The following FBXO31 variants were observed in gnomAD, a reference collection of about 807,000 sequenced individuals.
FBXO31 encodes F-box protein 31.
In FBXO31, 24 loss-of-function variants were observed where a neutral mutation model predicts 54.4. The observed-to-expected ratio is 0.44, with a 90% CI of 0.32 to 0.62. FBXO31 has a LOEUF of 0.62. FBXO31 is among the 20% of genes least tolerant of loss of function. FBXO31 has a pLI of 0.05. For synonymous variants in FBXO31, 388 were observed against 335.6 expected, an observed-to-expected ratio of 1.16 and a Z score of -1.71; for missense variants, 665 against 787.1, an observed-to-expected ratio of 0.84 and a Z score of 1.86.
At chr16:87,370,298 G>A (rs961262640) in intron 1 of FBXO31, among the ~76,000 whole-genome samples, 1 of 152,198 alleles carries the variant, frequency 6.6e-6, no homozygotes, top group Non-Finnish European at 1.5e-5. Flanking sequence ...TGGGATGGGA[G>A]GGACAGGGAC....
At chr16:87,360,448 G>A (rs994507859) in intron 1 of FBXO31, 82 bp from the exon 2 acceptor site, 4 of 1,214,958 alleles carry the variant, frequency 3.3e-6, no homozygotes, top group South Asian at 2.5e-5. Context: ...ATGGCTGGCA[G>A]GGGAGGTGCA....
intron 2 of FBXO31, among the ~76,000 whole-genome samples, chr16:87,356,389 C>A (rs1238493259): frequency 2.0e-5 from 3 of 152,144 alleles, no homozygotes; most frequent in African/African-American, 7.2e-5. Flanking sequence ...TAGAACGGCA[C>A]AAATGTCTTC....
intron 2 of FBXO31, among the ~76,000 whole-genome samples, chr16:87,359,891 G>A (rs1286352837): frequency 2.0e-5 from 3 of 152,170 alleles, no homozygotes; most frequent in Non-Finnish European, 4.4e-5. Flanking sequence ...CTAGCAGGGG[G>A]GCTGTTCTCC....
At chr16:87,368,193 A>G (rs1906447903) in intron 1 of FBXO31, among the ~76,000 whole-genome samples, 1 of 152,206 alleles carries the variant, frequency 6.6e-6, no homozygotes, top group Admixed American at 6.5e-5. Context: ...GAATACAACA[A>G]TCCTTAGTGG....
At chr16:87,362,454 A>G (rs1906177788) in intron 1 of FBXO31, 1 of 152,038 alleles carries the variant, frequency 6.6e-6, no homozygotes, top group Non-Finnish European at 1.5e-5. Context: ...TGTAGTGGCT[A>G]TAGTTAAAAC....
Position 87,343,484 on chromosome 16 carries a change from C to T in FBXO31, c.657+114G>A, listed in dbSNP as rs1002819012. ...GGGCAGGGCGGAGCCTCCCTCCCACCCGCCGATCTGCTACAGCCCAGGTCT... is the reference window on the plus strand; with the variant it reads ...GGGCAGGGCGGAGCCTCCCTCCCACTCGCCGATCTGCTACAGCCCAGGTCT... On this transcript the variant is annotated intron_variant, in intron 4 of 8. Transcript: ENST00000311635. 8 of 1,318,084 alleles carry T rather than the reference C, an allele frequency of 6.1e-6. No individual in the cohort carries two copies. The African/African-American group carries it at 1.2e-4, about 19-fold the overall frequency. The allele number at this position is 1,318,084 out of a possible 1,614,324, so 81.6% of individuals were successfully genotyped here. A position where few individuals can be genotyped will look rare whatever the true frequency, so the allele number is the denominator to read the frequency against.
intron 1 of FBXO31, among the ~76,000 whole-genome samples, chr16:87,363,149 T>C (rs9933873): frequency 0.48 from 72,724 of 151,780 alleles, 19,443 homozygotes; most frequent in East Asian, 1. Context: ...CTTTGGGAGG[T>C]CGAGGTGGGA....
chr16:87,334,384 G>A, intron 7 of FBXO31, 98 bp from the exon 8 acceptor site: 2 of 1,152,352 alleles, frequency 1.7e-6, no homozygotes, highest in Non-Finnish European at 2.4e-6. Context: ...TGAGCGAGCT[G>A]GCACCAGCCC....
intron 1 of FBXO31, among the ~76,000 whole-genome samples, chr16:87,375,035 T>C (rs1388928498): frequency 6.6e-6 from 1 of 152,060 alleles, no homozygotes; most frequent in Non-Finnish European, 1.5e-5. Flanking sequence ...ATACAAAAGT[T>C]AGGCCAGGTG....
Position 87,336,257 on chromosome 16 carries a change from C to T in FBXO31, c.740G>A (p.Arg247Gln). Residue 247 changes from arginine (R) to glutamine (Q), a missense_variant, in exon 6 of 9, where the codon CGG (arginine) becomes CAG (glutamine). By Grantham distance (43) the Arg-to-Gln change is conservative. This residue lies in a region of FBXO31 where 234 missense variants were observed against 346.8 expected (regional missense o/e 0.67). Coordinates refer to ENST00000311635, the MANE Select transcript of FBXO31 (RefSeq NM_024735.5). The surrounding 1 kb of genome is among the most constrained non-coding windows in gnomAD (Gnocchi z 6.5). Reference sequence around the variant, plus strand: ...CCCCCATTCCTCCCTCAGCCACGTCCGAAACTCCTTCCAAAAGAACACAGG... The same window carrying T: ...CCCCCATTCCTCCCTCAGCCACGTCTGAAACTCCTTCCAAAAGAACACAGG... ...RMSGGRQEEF[R>Q]TWLREEWGRT... 1 of 1,614,050 alleles carries T rather than the reference C, an allele frequency of 6.2e-7. No homozygotes were observed. Among genetic ancestry groups the T allele is most frequent in the African/African-American group, 1.3e-5 (1 of 75,030 alleles).
At chr16:87,341,284 A>C (rs1205734987) in intron 5 of FBXO31, among the ~76,000 whole-genome samples, 2 of 152,230 alleles carry the variant, frequency 1.3e-5, no homozygotes, top group African/African-American at 4.8e-5. Context: ...CAGAAATGTA[A>C]TATGGTTTTC....
upstream of FBXO31, among the ~76,000 whole-genome samples, chr16:87,385,592 G>T (rs1021682692): frequency 3.3e-5 from 5 of 152,100 alleles, no homozygotes; most frequent in African/African-American, 1.2e-4. Context: ...AAACTAACAA[G>T]ATCTTATAGC....
chr16:87,384,800 T>C (rs535084391), upstream of FBXO31, among the ~76,000 whole-genome samples: 26 of 152,066 alleles, frequency 1.7e-4, no homozygotes, highest in African/African-American at 5.1e-4. Context: ...GCCGAGGCTG[T>C]AGTGACCCGT....
chr16:87,386,402 G>A (rs922690425), upstream of FBXO31, among the ~76,000 whole-genome samples: 4 of 152,156 alleles, frequency 2.6e-5, no homozygotes, highest in Admixed American at 1.3e-4. Flanking sequence ...TATGCAGGAC[G>A]ATTTTATGTG....
chr16:87,342,789 G>T, intron 5 of FBXO31, 88 bp downstream of exon 5: 1 of 1,155,674 alleles, frequency 8.7e-7, no homozygotes, highest in Non-Finnish European at 1.2e-6. Context: ...GCATGCTGCT[G>T]ACTTCTCTCC....
chr16:87,371,532 C>A (rs991318515), intron 1 of FBXO31, among the ~76,000 whole-genome samples: 2 of 152,266 alleles, frequency 1.3e-5, no homozygotes, highest in Non-Finnish European at 2.9e-5. Context: ...GCAGGCCTGA[C>A]GAGTCGTGGC....
intron 1 of FBXO31, among the ~76,000 whole-genome samples, chr16:87,378,906 G>T (rs989855469): frequency 6.7e-6 from 1 of 150,178 alleles, no homozygotes; most frequent in African/African-American, 2.5e-5. Flanking sequence ...AGCTTGCAAT[G>T]AGCAGAGATG....
Position 87,336,268 on chromosome 16 carries a change from C to T in FBXO31, c.733-4G>A. ...CCCTCAGCCACGTCCGAAACTCCTT[C>T]CAAAAGAACACAGGTCATGAATATC... On this transcript the variant is annotated splice_region_variant and splice_polypyrimidine_tract_variant and intron_variant, in intron 5 of 8. Coordinates refer to ENST00000311635, the MANE Select transcript of FBXO31 (RefSeq NM_024735.5). The surrounding 1 kb of genome is among the most constrained non-coding windows in gnomAD (Gnocchi z 6.5). The T allele has an allele frequency of 1.2e-6, 2 of 1,613,720 alleles. No homozygotes were observed. The highest frequency in any genetic ancestry group is 1.7e-6 in the Non-Finnish European group (2 of 1,179,822).
rs1193212025 is a variant in FBXO31, at chr16:87,346,562, C to T, written c.489+612G>A. ...GGAAAGAAATGTCCTCACGGGTCCTCAGACCCCAACGGCAAGCAGGCTGCC... is the reference window on the plus strand; with the variant it reads ...GGAAAGAAATGTCCTCACGGGTCCTTAGACCCCAACGGCAAGCAGGCTGCC... On this transcript the variant is annotated intron_variant, in intron 3 of 8. Transcript: ENST00000311635. The surrounding 1 kb of genome is among the most constrained non-coding windows in gnomAD (Gnocchi z 4.2). Among the ~76,000 whole-genome samples the T allele has an allele frequency of 6.6e-6, 1 of 152,176 alleles. No homozygotes were observed. The highest frequency in any genetic ancestry group is 1.5e-5 in the Non-Finnish European group (1 of 68,028).
Sources: allele counts gnomAD v4.1 joint callset (sites outside exome capture counted in the v4.1 genomes callset), GRCh38; gene constraint gnomAD v4.1.1; regional missense constraint gnomAD v4.1.1; non-coding constraint Gnocchi (gnomAD v3.1); transcripts MANE v1.5; gene names NCBI Gene and HGNC (gene_info 2026-07-23, HGNC 2026-07-21).